The following CPQ variants were observed in gnomAD, a reference collection of about 807,000 sequenced individuals.
The protein encoded by CPQ is carboxypeptidase Q.
Under a neutral mutation model 45.7 loss-of-function variants are expected in CPQ, and 37 were observed. That is an observed-to-expected ratio of 0.81 (90% CI 0.62 to 1.07). The LOEUF (loss-of-function observed/expected upper bound fraction) is 1.07, where lower values mean the gene tolerates loss of function less well. CPQ is among the 50% of genes least tolerant of loss of function. CPQ has a pLI of 0.00. For synonymous variants in CPQ, 186 were observed against 205.8 expected, an observed-to-expected ratio of 0.90 and a Z score of 0.82; for missense variants, 537 against 572.9, an observed-to-expected ratio of 0.94 and a Z score of 0.64.
At chr8:97,066,289 A>G (rs1393430171) in intron 7 of CPQ, 79 bp downstream of exon 7, 4 of 1,307,818 alleles carry the variant, frequency 3.1e-6, no homozygotes, top group East Asian at 4.9e-5. Context: ...ATAGAGCACA[A>G]TGAATACTAG....
chr8:96,926,619 T>TCTTCTCCTC (rs1366715225), intron 4 of CPQ, among the ~76,000 whole-genome samples: 1 of 145,028 alleles, frequency 6.9e-6, no homozygotes, highest in Non-Finnish European at 1.5e-5. Context: ...TTCTTCTTCT[T>TCTTCTCCTC]CTTCTCCTCC....
In CPQ at chr8:97,130,442, T is replaced by TTCC. The variant is rs1563589592; in HGVS notation, c.1256-12578_1256-12577insTCC. On this transcript the variant is annotated intron_variant, in intron 7 of 7. Transcript: ENST00000220763. Reference sequence around the variant, plus strand: ...GCTGTTTTTTTTTTTTTTTTTTTTTTCCACAAAAATGTGTAAATTGCAGTT... The same window carrying TTCC: ...GCTGTTTTTTTTTTTTTTTTTTTTTTTCCCCACAAAAATGTGTAAATTGCAGTT... Among the ~76,000 whole-genome samples, 4 of 131,934 alleles carry TTCC rather than the reference T, an allele frequency of 3.0e-5. 1 individual carries two copies. The highest frequency in any genetic ancestry group is 1.6e-5 in the Non-Finnish European group (1 of 63,548). 86.6% of individuals were successfully genotyped at this position (131,934 alleles called of 152,430 possible).
At chr8:96,660,089 C>T (rs1441406651) in intron 1 of CPQ, among the ~76,000 whole-genome samples, 1 of 152,180 alleles carries the variant, frequency 6.6e-6, no homozygotes, top group Non-Finnish European at 1.5e-5. Context: ...CATGTACCTA[C>T]TGTATTTGCT....
intron 4 of CPQ, among the ~76,000 whole-genome samples, chr8:96,941,304 C>T (rs936895228): frequency 5.9e-5 from 9 of 152,126 alleles, no homozygotes; most frequent in African/African-American, 1.9e-4. Context: ...GCTGGCCTTG[C>T]ACTCTTACTA....
intron 3 of CPQ, among the ~76,000 whole-genome samples, chr8:96,847,120 T>A (rs2130857460): frequency 6.6e-6 from 1 of 152,344 alleles, no homozygotes; most frequent in East Asian, 1.9e-4. Context: ...TTTGATCACT[T>A]GTCTAAGGCA....
chr8:96,820,368 T>C (rs1811284055), intron 2 of CPQ, among the ~76,000 whole-genome samples: 1 of 152,082 alleles, frequency 6.6e-6, no homozygotes, highest in Non-Finnish European at 1.5e-5. Flanking sequence ...TTTTTTATTG[T>C]ACTAAAATAT....
rs145536470 is a variant in CPQ at position 96,766,209 on chromosome 8, A to T, written c.-34-18655A>T. 3.3e-5 allele frequency among the ~76,000 whole-genome samples: 5 copies of T among 152,298 alleles called. 1 individual carries two copies. The East Asian group carries it at 9.7e-4, about 29-fold the overall frequency. On this transcript the variant is annotated intron_variant, in intron 1 of 7. Coordinates refer to ENST00000220763, the MANE Select transcript of CPQ (RefSeq NM_016134.4). ...CCCTTAGCCCAGTGCTTGCTAGGGG[A>T]AAGATCAATATTGGTTTTCATCTTT...
intron 3 of CPQ, among the ~76,000 whole-genome samples, chr8:96,878,346 G>A (rs1278486837): frequency 6.6e-6 from 1 of 152,206 alleles, no homozygotes; most frequent in Non-Finnish European, 1.5e-5. Flanking sequence ...TCTCTGCAGG[G>A]ATAATTGAAT....
chr8:96,848,669 A>G (rs1232122030), intron 3 of CPQ, among the ~76,000 whole-genome samples: 1 of 152,204 alleles, frequency 6.6e-6, no homozygotes. Context: ...TATTGGTAGT[A>G]TCATTATACA....
intron 7 of CPQ, among the ~76,000 whole-genome samples, chr8:97,139,531 C>G (rs911431706): frequency 1.3e-5 from 2 of 151,976 alleles, no homozygotes; most frequent in Admixed American, 1.3e-4. Context: ...TTCAAAGAAT[C>G]TATATCATAC....
At chr8:96,784,399 T>TGGCGGGGGG (rs1554566980) in intron 1 of CPQ, among the ~76,000 whole-genome samples, 1 of 128,206 alleles carries the variant, frequency 7.8e-6, no homozygotes, top group African/African-American at 2.9e-5. Context: ...TGTTCTGAGG[T>TGGCGGGGGG]GGGGGGGGGG....
chr8:96,904,247 G>A (rs1233278616), intron 4 of CPQ, among the ~76,000 whole-genome samples: 9 of 152,068 alleles, frequency 5.9e-5, no homozygotes, highest in African/African-American at 9.7e-5. Flanking sequence ...AGTTTAACCC[G>A]AGTTATGTGT....
rs564298359 is a variant in CPQ at position 96,786,864 on chromosome 8, C to T, written c.433+1534C>T. ...CCAAATTCATTGCCCAGTTTTTAATCGGACTATGAGATTTTTATTATAGAG... is the reference window on the plus strand; with the variant it reads ...CCAAATTCATTGCCCAGTTTTTAATTGGACTATGAGATTTTTATTATAGAG... On this transcript the variant is annotated intron_variant, in intron 2 of 7. Transcript: ENST00000220763. Among the ~76,000 whole-genome samples, 279 of 152,114 alleles carry T rather than the reference C, an allele frequency of 1.8e-3. 2 individuals are homozygous for T. The highest frequency in any genetic ancestry group is 6.8e-3 in the Middle Eastern group (2 of 294).
chr8:96,687,264 G>A (rs1586359238), intron 1 of CPQ, among the ~76,000 whole-genome samples: 1 of 150,816 alleles, frequency 6.6e-6, no homozygotes, highest in Admixed American at 6.6e-5. Context: ...CCAGGCTGGA[G>A]TGCAATGGTG....
chr8:96,943,056 T>C lies in CPQ; in HGVS notation c.850-22879T>C, dbSNP rs151334756. 6.1e-3 allele frequency among the ~76,000 whole-genome samples: 934 copies of C among 152,294 alleles called. 3 individuals are homozygous for C. Among genetic ancestry groups the C allele is most frequent in the South Asian group, 0.022 (105 of 4,828 alleles). On this transcript the variant is annotated intron_variant, in intron 4 of 7. Transcript: ENST00000220763. Reference sequence around the variant, plus strand: ...ATCTGGCTTTCTAGAAGGCTCCCACTGGATCCAGGTAATGTCCAGTGGCTT... The same window carrying C: ...ATCTGGCTTTCTAGAAGGCTCCCACCGGATCCAGGTAATGTCCAGTGGCTT...
chr8:96,997,107 G>A (rs1809191665), intron 5 of CPQ, among the ~76,000 whole-genome samples: 1 of 151,838 alleles, frequency 6.6e-6, no homozygotes, highest in Non-Finnish European at 1.5e-5. Flanking sequence ...TTAGCCTCAA[G>A]GGAAAAATTT....
chr8:96,776,831 C>T (rs1810611013), intron 1 of CPQ, among the ~76,000 whole-genome samples: 1 of 151,978 alleles, frequency 6.6e-6, no homozygotes, highest in Non-Finnish European at 1.5e-5. Context: ...CCAAAGTTGC[C>T]TTTGAATATA....
intron 5 of CPQ, among the ~76,000 whole-genome samples, chr8:97,025,794 T>A (rs1809789638): frequency 6.6e-6 from 1 of 152,250 alleles, no homozygotes. Flanking sequence ...TTAAAACTAG[T>A]TTGGATTTAA....
intron 6 of CPQ, among the ~76,000 whole-genome samples, chr8:97,047,455 C>T (rs1184152468): frequency 6.6e-6 from 1 of 152,218 alleles, no homozygotes; most frequent in Admixed American, 6.5e-5. Context: ...CTTCAAGGTG[C>T]TTAGTTTAAA....
Sources: gnomAD v4.1 joint callset for allele counts (sites outside exome capture counted in the v4.1 genomes callset) on GRCh38, gnomAD v4.1.1 for gene constraint, MANE v1.5 for transcripts, NCBI Gene and HGNC (gene_info 2026-07-23, HGNC 2026-07-21) for gene names.